SPAG16: variants seen among roughly 807,000 people sequenced by gnomAD.
The protein encoded by SPAG16 is sperm associated antigen 16.
SPAG16 carries 86 observed loss-of-function variants against 80.4 expected under a neutral mutation model. The ratio of observed to expected loss-of-function variants is 1.07; its 90% CI spans 0.90 to 1.28. The LOEUF (loss-of-function observed/expected upper bound fraction) is 1.28. Among genes scored for constraint, SPAG16 ranks in the 50% most tolerant of loss-of-function variants. The pLI, the probability that SPAG16 is intolerant of heterozygous loss-of-function variation, is 0.00. For synonymous variants in SPAG16, 294 were observed against 265.9 expected (o/e 1.11, Z -1.03); for missense variants, 870 against 765.3 (o/e 1.14, Z -1.61).
chr2:214,121,210 G>T (rs977627809), intron 14 of SPAG16, among the ~76,000 whole-genome samples: 1 of 151,754 alleles, frequency 6.6e-6, no homozygotes, highest in Non-Finnish European at 1.5e-5. Flanking sequence ...CATAAAAGGA[G>T]ATGAATAAAT....
chr2:214,146,809 G>C (rs758948609), intron 14 of SPAG16, among the ~76,000 whole-genome samples: 1 of 152,002 alleles, frequency 6.6e-6, no homozygotes, highest in Admixed American at 6.6e-5. Context: ...GACCATCCTG[G>C]CTAACACAGT....
intron 15 of SPAG16, among the ~76,000 whole-genome samples, chr2:214,388,001 C>T (rs78779908): frequency 0.058 from 8,781 of 152,108 alleles, 638 homozygotes; most frequent in African/African-American, 0.18. Context: ...AAAATACCTA[C>T]TATTGCTATA....
In SPAG16 at chr2:213,446,073, G is replaced by T. The variant is rs181158961; in HGVS notation, c.943-43890G>T. Among the ~76,000 whole-genome samples, 27 of 152,166 alleles carry T rather than the reference G, an allele frequency of 1.8e-4. No homozygotes were observed. The East Asian group carries it at 5.2e-3, about 29-fold the overall frequency. On this transcript the variant is annotated intron_variant, in intron 9 of 15. Coordinates refer to ENST00000331683, the MANE Select transcript of SPAG16 (RefSeq NM_024532.5). The stretch of plus-strand genomic sequence containing the variant: ...TAGTCAAACCCTAAAGAGCATCAAA[G>T]AATATAAAAGCAGAAAGGCCGATTC...
intron 15 of SPAG16, among the ~76,000 whole-genome samples, chr2:214,297,400 G>A: frequency 6.6e-6 from 1 of 151,958 alleles, no homozygotes; most frequent in Non-Finnish European, 1.5e-5. Flanking sequence ...GTTCAGAGCA[G>A]TCTTTCTTAA....
In SPAG16 at chr2:213,892,896, C is replaced by G. The variant is rs1043748590; in HGVS notation, c.1214+30268C>G. ...TGGCAGAAAGCTTACTAAAACAAAC[C>G]AGCATATTTTTCCAAACTTGTGTGG... On this transcript the variant is annotated intron_variant, in intron 11 of 15. Coordinates refer to ENST00000331683, the MANE Select transcript of SPAG16 (RefSeq NM_024532.5). Among the ~76,000 whole-genome samples the G allele has an allele frequency of 2.0e-5, 3 of 151,952 alleles. No homozygotes were observed. The South Asian group carries it at 6.2e-4, about 31-fold the overall frequency.
chr2:213,517,986 A>T (rs1054529042), intron 10 of SPAG16, among the ~76,000 whole-genome samples: 1 of 152,238 alleles, frequency 6.6e-6, no homozygotes, highest in African/African-American at 2.4e-5. Flanking sequence ...GTTTCTGTAC[A>T]ACAAAAGAAA....
chr2:213,748,737 T>A (rs2067948127), intron 10 of SPAG16, among the ~76,000 whole-genome samples: 1 of 152,210 alleles, frequency 6.6e-6, no homozygotes. Flanking sequence ...AATTTAATTC[T>A]TTTTTAGATA....
chr2:213,289,605 T>G (rs1436831141), intron 1 of SPAG16, among the ~76,000 whole-genome samples: 3 of 152,246 alleles, frequency 2.0e-5, no homozygotes, highest in Admixed American at 6.5e-5. Context: ...TTATTTAAAC[T>G]GGCCTTCCTA....
intron 10 of SPAG16, among the ~76,000 whole-genome samples, chr2:213,560,499 C>T (rs997901812): frequency 1.3e-5 from 2 of 152,008 alleles, no homozygotes; most frequent in African/African-American, 4.8e-5. Flanking sequence ...AATATAGGGA[C>T]ATGGAAATAA....
chr2:213,517,460 C>G (rs111608090), intron 10 of SPAG16, among the ~76,000 whole-genome samples: 1 of 152,122 alleles, frequency 6.6e-6, no homozygotes, highest in Non-Finnish European at 1.5e-5. Flanking sequence ...AAAAAGCTAT[C>G]CTAAAATTCA....
chr2:213,576,886 T>C (rs1186979466), intron 10 of SPAG16, among the ~76,000 whole-genome samples: 1 of 152,004 alleles, frequency 6.6e-6, no homozygotes, highest in Non-Finnish European at 1.5e-5. Context: ...AAATAACAAA[T>C]GGGTATGAGG....
intron 11 of SPAG16, among the ~76,000 whole-genome samples, chr2:213,912,411 T>G (rs1386143098): frequency 6.6e-6 from 1 of 152,228 alleles, no homozygotes; most frequent in Non-Finnish European, 1.5e-5. Flanking sequence ...TTATGTAATT[T>G]ATAAATAATA....
At chr2:213,404,250 G>C (rs10198311) in intron 9 of SPAG16, among the ~76,000 whole-genome samples, 33,454 of 152,042 alleles carry the variant, frequency 0.22, 4,530 homozygotes, top group Non-Finnish European at 0.31. Flanking sequence ...GCATTGCCAA[G>C]TCAATCCTAA....
At chr2:213,882,991 G>A (rs1259021543) in intron 11 of SPAG16, among the ~76,000 whole-genome samples, 3 of 151,900 alleles carry the variant, frequency 2.0e-5, no homozygotes, top group African/African-American at 7.3e-5. Context: ...TCAGCCTCCC[G>A]AGTAGCTGGG....
intron 10 of SPAG16, among the ~76,000 whole-genome samples, chr2:213,625,327 G>A (rs183471521): frequency 5.4e-4 from 82 of 152,170 alleles, no homozygotes; most frequent in African/African-American, 1.8e-3. Context: ...TCACATGAGA[G>A]CAAAGTGGGA....
At chr2:214,139,333 T>A (rs1160115668) in intron 14 of SPAG16, among the ~76,000 whole-genome samples, 1 of 152,070 alleles carries the variant, frequency 6.6e-6, no homozygotes, top group Non-Finnish European at 1.5e-5. Flanking sequence ...CTTTTCCCTG[T>A]TGTTGCTTAA....
intron 1 of SPAG16, among the ~76,000 whole-genome samples, chr2:213,288,164 T>C (rs938328587): frequency 1.3e-5 from 2 of 152,186 alleles, no homozygotes; most frequent in Admixed American, 1.3e-4. Context: ...GGCATCCTAC[T>C]GCCTTGGCCT....
intron 12 of SPAG16, among the ~76,000 whole-genome samples, chr2:213,949,117 G>A (rs115061597): frequency 3.4e-5 from 5 of 146,302 alleles, no homozygotes; most frequent in African/African-American, 1.0e-4. Flanking sequence ...TGAAAATAAT[G>A]TCTACAGTTA....
At chr2:213,426,138 C>T (rs1400827821) in intron 9 of SPAG16, among the ~76,000 whole-genome samples, 1 of 152,064 alleles carries the variant, frequency 6.6e-6, no homozygotes, top group Non-Finnish European at 1.5e-5. Flanking sequence ...ATATTCTGTA[C>T]TTATTTTCAG....
Sources: gnomAD v4.1 joint callset for allele counts (sites outside exome capture counted in the v4.1 genomes callset) on GRCh38, gnomAD v4.1.1 for gene constraint, MANE v1.5 for transcripts, NCBI Gene and HGNC (gene_info 2026-07-23, HGNC 2026-07-21) for gene names.